The following GNA15 variants were observed in gnomAD, a reference collection of about 807,000 sequenced individuals.
GNA15 encodes guanine nucleotide-binding protein subunit alpha-15.
GNA15 carries 23 observed loss-of-function variants against 40.1 expected under a neutral mutation model. The observed-to-expected ratio is 0.57, with a 90% CI of 0.41 to 0.81. The LOEUF is 0.81. Ranked by LOEUF, GNA15 falls within the 40% of genes least tolerant of loss-of-function variation. The probability of loss-of-function intolerance (pLI) is 0.00; values close to 1 mark genes in which losing one functional copy is unlikely to be tolerated. For synonymous variants in GNA15, 226 were observed against 210.4 expected (o/e 1.07, Z -0.64); for missense variants, 522 against 515.8 (o/e 1.01, Z -0.12).
intron 4 of GNA15, among the ~76,000 whole-genome samples, chr19:3,152,102 A>G (rs1031397066): frequency 6.6e-6 from 1 of 152,188 alleles, no homozygotes; most frequent in Admixed American, 6.5e-5. Context: ...GTTTTGAAAG[A>G]CGAATAGGAG....
intron 2 of GNA15, chr19:3,149,780 A>C: frequency 5.0e-6 from 1 of 200,362 alleles, no homozygotes; most frequent in East Asian, 1.4e-4. Flanking sequence ...TCTGTGTCTT[A>C]GTCGCTTCAT....
At chr19:3,138,777 C>G (rs1030853970) in intron 1 of GNA15, among the ~76,000 whole-genome samples, 1 of 148,484 alleles carries the variant, frequency 6.7e-6, no homozygotes, top group Non-Finnish European at 1.5e-5. Context: ...ATTATAGGCA[C>G]GCGCCACCAC....
chr19:3,150,664 A>G (rs1914858928), intron 3 of GNA15, among the ~76,000 whole-genome samples: 1 of 151,110 alleles, frequency 6.6e-6, no homozygotes, highest in African/African-American at 2.4e-5. Flanking sequence ...CTGTTCCTAG[A>G]GTGACCCTGT....
Position 3,163,196 on chromosome 19 carries a change from C to T in GNA15, c.*177C>T. The T allele has an allele frequency of 1.7e-6, 1 of 600,222 alleles. No individual in the cohort carries two copies. Among genetic ancestry groups the T allele is most frequent in the Non-Finnish European group, 3.0e-6 (1 of 336,040 alleles). The allele number at this position is 600,222 out of a possible 1,614,324, so 37.2% of individuals were successfully genotyped here. A position where few individuals can be genotyped will look rare whatever the true frequency, so the allele number is the denominator to read the frequency against. ...CTCTGCCTCTCACCAGGACAGCCGC[C>T]CCCCAGGGTACTCCTGCCCTTGCTT... On this transcript the variant is annotated 3_prime_UTR_variant, in exon 7 of 7. Coordinates refer to ENST00000262958, the MANE Select transcript of GNA15 (RefSeq NM_002068.4).
At chr19:3,150,607 C>T (rs1168961580) in intron 3 of GNA15, among the ~76,000 whole-genome samples, 2 of 152,054 alleles carry the variant, frequency 1.3e-5, no homozygotes, top group East Asian at 3.9e-4. Flanking sequence ...TGACTCTGTT[C>T]CTGAGGGAAT....
chr19:3,141,395 A>AT, intron 1 of GNA15, among the ~76,000 whole-genome samples: 2 of 152,012 alleles, frequency 1.3e-5, no homozygotes, highest in Non-Finnish European at 2.9e-5. Flanking sequence ...TAAACATTTT[A>AT]TTTTTTATTT....
At position 3,151,882 on chromosome 19, in the gene GNA15, TG is replaced by T; in HGVS notation, c.614+48del. Reference sequence around the variant, plus strand: ...AGCCTAGGGGGCAGGGAAGGCTTCCTGTAGGAAGGGCAAAGGAGCTGGGGCC... The same window carrying T: ...AGCCTAGGGGGCAGGGAAGGCTTCCTTAGGAAGGGCAAAGGAGCTGGGGCC... On this transcript the variant is annotated intron_variant, in intron 4 of 6. Transcript: ENST00000262958. This position sits in a 1 kb window ranked among gnomAD's most constrained non-coding sequence, Gnocchi z 5.0. 6.9e-7 allele frequency: 1 copy of T among 1,453,580 alleles called. No homozygotes were observed. The highest frequency in any genetic ancestry group is 9.4e-7 in the Non-Finnish European group (1 of 1,061,424). 90.0% of individuals were successfully genotyped at this position (1,453,580 alleles called of 1,614,324 possible).
At chr19:3,144,798 G>A (rs1321131452) in intron 1 of GNA15, among the ~76,000 whole-genome samples, 1 of 150,708 alleles carries the variant, frequency 6.6e-6, no homozygotes, top group South Asian at 2.1e-4. Context: ...ATAGTGCTGA[G>A]ATTACAGGCG....
At chr19:3,149,056 G>T in intron 2 of GNA15, 1 of 418,600 alleles carries the variant, frequency 2.4e-6, no homozygotes, top group Non-Finnish European at 4.4e-6. Context: ...TGCTCACAAA[G>T]ATACACACGC....
chr19:3,144,704 A>AT (rs969186426), intron 1 of GNA15, among the ~76,000 whole-genome samples: 1 of 146,482 alleles, frequency 6.8e-6, no homozygotes, highest in Non-Finnish European at 1.5e-5. Flanking sequence ...AATTTTTTGT[A>AT]TTTTTAGTAG....
chr19:3,155,519 C>T lies in GNA15; in HGVS notation c.615-304C>T, dbSNP rs1914989840. 6.6e-6 allele frequency among the ~76,000 whole-genome samples: 1 copy of T among 152,182 alleles called. No homozygotes were observed. On this transcript the variant is annotated intron_variant, in intron 4 of 6. Coordinates refer to ENST00000262958, the MANE Select transcript of GNA15 (RefSeq NM_002068.4). This position sits in a 1 kb window ranked among gnomAD's most constrained non-coding sequence, Gnocchi z 5.6. ...CTCCGCCGGGTCGCCCAGCCAGCAC[C>T]AGGGCACATCTCAGATCTGTCCAAC...
chr19:3,158,523 A>C (rs1915078774), intron 6 of GNA15, among the ~76,000 whole-genome samples: 1 of 152,158 alleles, frequency 6.6e-6, no homozygotes, highest in South Asian at 2.1e-4. Context: ...TGGGTTTGCT[A>C]TGTAGAGGTC....
Position 3,136,361 on chromosome 19 carries a change from C to T in GNA15, c.-90C>T. On this transcript the variant is annotated 5_prime_UTR_variant, in exon 1 of 7. Transcript: ENST00000262958. This position sits in a 1 kb window ranked among gnomAD's most constrained non-coding sequence, Gnocchi z 4.9. ...TCCCTGCGCACCCGGTTGCCCGGAG[C>T]CCTCTCCAGGGCCGGCTGGGCTGGG... 7.4e-7 allele frequency: 1 copy of T among 1,347,496 alleles called. No individual in the cohort carries two copies. Among genetic ancestry groups the T allele is most frequent in the African/African-American group, 1.5e-5 (1 of 66,942 alleles). 83.5% of individuals were successfully genotyped at this position (1,347,496 alleles called of 1,614,324 possible).
chr19:3,141,135 C>G (rs542611460), intron 1 of GNA15, among the ~76,000 whole-genome samples: 1 of 151,988 alleles, frequency 6.6e-6, no homozygotes, highest in South Asian at 2.1e-4. Flanking sequence ...TGAAGCAACC[C>G]TCATATTGGG....
chr19:3,150,380 G>C (rs189341850), intron 3 of GNA15, 95 bp downstream of exon 3: 18 of 1,097,236 alleles, frequency 1.6e-5, no homozygotes, highest in Non-Finnish European at 2.2e-5. Context: ...TATTGTGGGC[G>C]CAGATGGGCT....
intron 2 of GNA15, chr19:3,149,902 C>G: frequency 4.1e-6 from 2 of 490,250 alleles, no homozygotes; most frequent in Non-Finnish European, 3.6e-6. Context: ...CACATGTGCC[C>G]TCTGCAGCCC....
chr19:3,150,345 C>A, intron 3 of GNA15, 60 bp downstream of exon 3: 2 of 1,407,516 alleles, frequency 1.4e-6, no homozygotes. Context: ...AGGGGCCAGG[C>A]TGGCTGGCTT....
intron 6 of GNA15, among the ~76,000 whole-genome samples, chr19:3,159,785 A>C (rs1334311038): frequency 6.6e-6 from 1 of 152,230 alleles, no homozygotes; most frequent in Non-Finnish European, 1.5e-5. Flanking sequence ...ATGAATCAAG[A>C]CACGTACAAT....
intron 6 of GNA15, among the ~76,000 whole-genome samples, chr19:3,158,155 A>T (rs1915072194): frequency 1.3e-5 from 2 of 152,046 alleles, no homozygotes; most frequent in Non-Finnish European, 2.9e-5. Context: ...CATTTTATTT[A>T]TTTATTTATT....
Sources: allele counts gnomAD v4.1 joint callset (sites outside exome capture counted in the v4.1 genomes callset), GRCh38; gene constraint gnomAD v4.1.1; non-coding constraint Gnocchi (gnomAD v3.1); transcripts MANE v1.5; gene names NCBI Gene and HGNC (gene_info 2026-07-23, HGNC 2026-07-21).